The following SPCS3 variants were observed in gnomAD, a reference collection of about 807,000 sequenced individuals.
SPCS3 encodes the protein SPase 22 kDa subunit.
A neutral mutation model predicts 17.2 loss-of-function variants in SPCS3; 9 were observed. That is an observed-to-expected ratio of 0.52 (90% confidence interval 0.31 to 0.91). The LOEUF (loss-of-function observed/expected upper bound fraction) is 0.91. Among genes scored for constraint, SPCS3 ranks in the 40% least tolerant of loss-of-function variants. The probability of loss-of-function intolerance (pLI) is 0.04; values close to 1 mark genes in which losing one functional copy is unlikely to be tolerated. For missense variants in SPCS3, 139 were observed against 217.5 expected (o/e 0.64, Z 2.27); for synonymous variants, 87 against 89.6 (o/e 0.97, Z 0.16).
Position 176,332,164 on chromosome 4 carries a change from G to A in SPCS3, c.*3834G>A, listed in dbSNP as rs1132720. ...TAAGCTCTTTGAGGGCAGTCTGTCA[G>A]ATTTATCTTTGTATCTTCCCCAGCG... On this transcript the variant is annotated 3_prime_UTR_variant, in exon 5 of 5. Coordinates refer to ENST00000503362, the MANE Select transcript of SPCS3 (RefSeq NM_021928.4). 0.083 allele frequency: 12,704 copies of A among 152,300 alleles called. 700 individuals carry two copies. The highest frequency in any genetic ancestry group is 0.12 in the Middle Eastern group (36 of 294). The allele number at this position is 152,300 out of a possible 1,614,324, so 9.4% of individuals were successfully genotyped here. A position where few individuals can be genotyped will look rare whatever the true frequency, so the allele number is the denominator to read the frequency against.
In SPCS3 at chr4:176,327,295, A is replaced by C. The variant is rs13104798; in HGVS notation, c.410+18A>C. The stretch of plus-strand genomic sequence containing the variant: ...GGTCTCAAGTGAGCAATTCTTGGTC[A>C]TTTTTTTACATTTAATAAGAGGTGA... On this transcript the variant is annotated intron_variant, in intron 4 of 4. Coordinates refer to ENST00000503362, the MANE Select transcript of SPCS3 (RefSeq NM_021928.4). The C allele has an allele frequency of 1.0e-5, 14 of 1,373,408 alleles. No individual in the cohort carries two copies. The highest frequency in any genetic ancestry group is 2.6e-5 in the Admixed American group (1 of 38,064). The allele number at this position is 1,373,408 out of a possible 1,614,324, so 85.1% of individuals were successfully genotyped here.
At chr4:176,323,569 C>G (rs73871977) in intron 2 of SPCS3, among the ~76,000 whole-genome samples, 5,990 of 152,210 alleles carry the variant, frequency 0.039, 167 homozygotes, top group African/African-American at 0.08. Context: ...CAAATATTAA[C>G]TCCGCTTATT....
At position 176,320,038 on chromosome 4, in the gene SPCS3, G is replaced by T. The variant is rs557472263; in HGVS notation, c.-39G>T. On this transcript the variant is annotated 5_prime_UTR_variant, in exon 1 of 5. Transcript: ENST00000503362. ...GTCCGCCGCCGGAACGGGAGCCTGG[G>T]TGTGCGTGTGGAGTCCGGACTCGTG... The T allele has an allele frequency of 2.0e-6, 3 of 1,485,696 alleles. No individual in the cohort carries two copies. The highest frequency in any genetic ancestry group is 1.8e-4 in the Middle Eastern group (1 of 5,598). 92.0% of individuals were successfully genotyped at this position (1,485,696 alleles called of 1,614,324 possible). A position where few individuals can be genotyped will look rare whatever the true frequency, so the allele number is the denominator to read the frequency against.
rs539272059 is a variant in SPCS3, at chr4:176,328,062, G to A, written c.411-136G>A. ...GTGACATGAGAAAATAGTTCTTTTTGCAGATTAACATATTAGGATTTCTGT... is the reference window on the plus strand; with the variant it reads ...GTGACATGAGAAAATAGTTCTTTTTACAGATTAACATATTAGGATTTCTGT... On this transcript the variant is annotated intron_variant, in intron 4 of 4. Coordinates refer to ENST00000503362, the MANE Select transcript of SPCS3 (RefSeq NM_021928.4). 2,586 of 764,302 alleles carry A rather than the reference G, an allele frequency of 3.4e-3. 8 individuals are homozygous for A. The highest frequency in any genetic ancestry group is 5.7e-3 in the Admixed American group (167 of 29,202). 47.3% of individuals were successfully genotyped at this position (764,302 alleles called of 1,614,324 possible).
chr4:176,327,098 T>C (rs990383858), intron 3 of SPCS3, 64 bp from the exon 4 acceptor site: 17 of 993,606 alleles, frequency 1.7e-5, no homozygotes, highest in Admixed American at 6.4e-5. Flanking sequence ...ACTAATACTT[T>C]TAATTTGAAG....
intron 3 of SPCS3, among the ~76,000 whole-genome samples, chr4:176,324,614 T>G (rs954397769): frequency 5.3e-5 from 8 of 152,236 alleles, no homozygotes; most frequent in Non-Finnish European, 1.0e-4. Context: ...AGGAATTCTG[T>G]AGGTCAAGAA....
intron 2 of SPCS3, 121 bp from the exon 3 acceptor site, chr4:176,324,060 T>C: frequency 2.1e-6 from 1 of 485,418 alleles, no homozygotes; most frequent in Non-Finnish European, 3.2e-6. Context: ...CACATTATGT[T>C]TCTGGGCCGC....
rs1313250332 is a variant in SPCS3, at chr4:176,329,389, C to A, written c.*1059C>A. ...GTGGAATTAAAACTTGAACTCAGAT[C>A]TTCTAATTTTCTGAGCTCATCCTTT... On this transcript the variant is annotated 3_prime_UTR_variant, in exon 5 of 5. Coordinates refer to ENST00000503362, the MANE Select transcript of SPCS3 (RefSeq NM_021928.4). 1 of 152,070 alleles carries A rather than the reference C, an allele frequency of 6.6e-6. No homozygotes were observed. The highest frequency in any genetic ancestry group is 1.5e-5 in the Non-Finnish European group (1 of 67,982). 9.4% of individuals were successfully genotyped at this position (152,070 alleles called of 1,614,324 possible).
At chr4:176,328,130 T>C (rs1291717649) in intron 4 of SPCS3, 68 bp from the exon 5 acceptor site, 1 of 1,463,868 alleles carries the variant, frequency 6.8e-7, no homozygotes, top group East Asian at 2.3e-5. Flanking sequence ...CATCTCAGTG[T>C]TTGTCTTAAA....
At position 176,330,584 on chromosome 4, in the gene SPCS3, C is replaced by G. The variant is rs1731673618; in HGVS notation, c.*2254C>G. The G allele has an allele frequency of 6.6e-6, 1 of 152,164 alleles. No homozygotes were observed. Among genetic ancestry groups the G allele is most frequent in the East Asian group, 1.9e-4 (1 of 5,200 alleles). The allele number at this position is 152,164 out of a possible 1,614,324, so 9.4% of individuals were successfully genotyped here. A position where few individuals can be genotyped will look rare whatever the true frequency, so the allele number is the denominator to read the frequency against. On this transcript the variant is annotated 3_prime_UTR_variant, in exon 5 of 5. Coordinates refer to ENST00000503362, the MANE Select transcript of SPCS3 (RefSeq NM_021928.4). ...AGGGAAATTGCTCAGAAAAAGAATG[C>G]TCCAACATGGGAATAAGGACCTTCA... is the stretch of plus-strand genomic sequence containing the variant.
At position 176,319,983 on chromosome 4, in the gene SPCS3, A is replaced by T; in HGVS notation, c.-94A>T. 1.6e-6 allele frequency: 2 copies of T among 1,290,316 alleles called. No individual in the cohort carries two copies. The highest frequency in any genetic ancestry group is 3.9e-5 in the South Asian group (2 of 51,564). The allele number at this position is 1,290,316 out of a possible 1,614,324, so 79.9% of individuals were successfully genotyped here. A position where few individuals can be genotyped will look rare whatever the true frequency, so the allele number is the denominator to read the frequency against. ...CGGCGCGCGCTCCCGGAACGCGCGC[A>T]CCGCAGACGGCGCGGATCGCAGGGA... is the stretch of plus-strand genomic sequence containing the variant. On this transcript the variant is annotated 5_prime_UTR_variant, in exon 1 of 5. Transcript: ENST00000503362.
At chr4:176,325,109 T>C (rs1033405411) in intron 3 of SPCS3, among the ~76,000 whole-genome samples, 1 of 149,964 alleles carries the variant, frequency 6.7e-6, no homozygotes, top group Non-Finnish European at 1.5e-5. Flanking sequence ...TGGAGTACAG[T>C]AGCGCCGTCA....
At chr4:176,321,745 A>G (rs139497766) in intron 1 of SPCS3, 1 of 153,102 alleles carries the variant, frequency 6.5e-6, no homozygotes, top group African/African-American at 2.4e-5. Context: ...TTCACACCAG[A>G]TTGACCGCGG....
In SPCS3 at chr4:176,324,456, T is replaced by C. The variant is rs570305095; in HGVS notation, c.294+199T>C. Among the ~76,000 whole-genome samples, 19 of 152,254 alleles carry C rather than the reference T, an allele frequency of 1.2e-4. 1 individual carries two copies. In the South Asian group the frequency reaches 2.7e-3, roughly 22 times the overall value. ...TTGTTGTTGTTGTTTGTTTGTTTGT[T>C]TTCTGTTTGTTCTATTTAGCTCTCT... On this transcript the variant is annotated intron_variant, in intron 3 of 4. Coordinates refer to ENST00000503362, the MANE Select transcript of SPCS3 (RefSeq NM_021928.4).
chr4:176,327,118 G>A, intron 3 of SPCS3, 44 bp from the exon 4 acceptor site: 1 of 1,118,652 alleles, frequency 8.9e-7, no homozygotes, highest in Non-Finnish European at 1.3e-6. Flanking sequence ...GTGATAAGAT[G>A]GTATTTCTGA....
chr4:176,320,321 A>C, intron 1 of SPCS3, 102 bp downstream of exon 1: 1 of 1,127,384 alleles, frequency 8.9e-7, no homozygotes, highest in Non-Finnish European at 1.1e-6. Context: ...GGCCGCGGGC[A>C]GGGCGTCCGG....
Position 176,328,391 on chromosome 4 carries a change from T to G in SPCS3, c.*61T>G. 6.0e-6 allele frequency: 8 copies of G among 1,327,550 alleles called. No individual in the cohort carries two copies. Among genetic ancestry groups the G allele is most frequent in the Non-Finnish European group, 7.9e-6 (8 of 1,007,102 alleles). The allele number at this position is 1,327,550 out of a possible 1,614,324, so 82.2% of individuals were successfully genotyped here. ...TAATGAATTGTATCTCATTAATCTC[T>G]TCCCTTACATCTTCATGTATTGTTG... On this transcript the variant is annotated 3_prime_UTR_variant, in exon 5 of 5. Coordinates refer to ENST00000503362, the MANE Select transcript of SPCS3 (RefSeq NM_021928.4).
In SPCS3 at chr4:176,330,187, T is replaced by C. The variant is rs919186946; in HGVS notation, c.*1857T>C. On this transcript the variant is annotated 3_prime_UTR_variant, in exon 5 of 5. Transcript: ENST00000503362. ...ATGAAGACAGGAAAACGAATGAAAG[T>C]CTAACACATAACTCATATTGATTTA... is the stretch of plus-strand genomic sequence containing the variant. 1 of 152,216 alleles carries C rather than the reference T, an allele frequency of 6.6e-6. No individual in the cohort carries two copies. The allele number at this position is 152,216 out of a possible 1,614,324, so 9.4% of individuals were successfully genotyped here.
intron 3 of SPCS3, among the ~76,000 whole-genome samples, chr4:176,325,039 C>CT (rs1027685636): frequency 8.3e-4 from 117 of 140,252 alleles, no homozygotes; most frequent in East Asian, 2.3e-3. Flanking sequence ...CAGCTGTTTC[C>CT]TTTTTTTTTT....
Sources: gnomAD v4.1 joint callset for allele counts (sites outside exome capture counted in the v4.1 genomes callset) on GRCh38, gnomAD v4.1.1 for gene constraint, MANE v1.5 for transcripts, NCBI Gene and HGNC (gene_info 2026-07-23, HGNC 2026-07-21) for gene names.